MREG: variants seen among roughly 807,000 people sequenced by gnomAD.
MREG encodes melanoregulin, also known as dilute suppressor protein homolog.
In MREG, 31 loss-of-function variants were observed where a neutral mutation model predicts 28.5. That is an observed-to-expected ratio of 1.09 (90% CI 0.82 to 1.47). The LOEUF (loss-of-function observed/expected upper bound fraction) is 1.47. Ranked by LOEUF, MREG falls within the 40% of genes most tolerant of loss-of-function variation. The probability of loss-of-function intolerance (pLI) is 0.00; values close to 1 mark genes in which losing one functional copy is unlikely to be tolerated. For missense variants in MREG, 256 were observed against 257.4 expected, an observed-to-expected ratio of 0.99 and a Z score of 0.04; for synonymous variants, 106 against 95.2, an observed-to-expected ratio of 1.11 and a Z score of -0.66.
In MREG at chr2:215,955,940, C is replaced by T. The variant is rs185624004; in HGVS notation, c.256-8827G>A. On this transcript the variant is annotated intron_variant, in intron 2 of 4. Transcript: ENST00000263268. ...TTGATGTCAGTCTGGAGAAAGGTCT[C>T]CAGTAATGCACCGTGGGGCTCAATT... Among the ~76,000 whole-genome samples, 84 of 152,272 alleles carry T rather than the reference C, an allele frequency of 5.5e-4. No individual in the cohort carries two copies. In the East Asian group the frequency reaches 0.013, roughly 24 times the overall value.
chr2:215,966,603 T>C (rs1171675851), intron 2 of MREG, among the ~76,000 whole-genome samples: 2 of 140,080 alleles, frequency 1.4e-5, no homozygotes, highest in African/African-American at 2.7e-5. Flanking sequence ...CATTTTCCCT[T>C]TTTTTTTTTT....
chr2:216,025,720 G>A (rs191072787), intron 1 of MREG, among the ~76,000 whole-genome samples: 2 of 152,198 alleles, frequency 1.3e-5, no homozygotes, highest in African/African-American at 2.4e-5. Flanking sequence ...TGACAGCTAG[G>A]GCCGTGTCGG....
chr2:215,996,336 G>A lies in MREG; in HGVS notation c.225C>T (p.Val75=). 1 of 1,613,904 alleles carries A rather than the reference G, an allele frequency of 6.2e-7. No homozygotes were observed. Among genetic ancestry groups the A allele is most frequent in the Non-Finnish European group, 8.5e-7 (1 of 1,179,856 alleles). ...DDDRTLYNLI[V]IRNQQAKDSE... ...AGTCTTTGGCCTGCTGATTACGAATGACTATCAAATTGTACAGGGTTCTGT... is the reference window on the plus strand; with the variant it reads ...AGTCTTTGGCCTGCTGATTACGAATAACTATCAAATTGTACAGGGTTCTGT... The change falls in exon 2 of 5, where the codon GTC becomes GTT. Residue 75 remains valine (V), a synonymous_variant. Transcript: ENST00000263268.
intron 1 of MREG, among the ~76,000 whole-genome samples, chr2:216,009,590 C>T (rs1051564834): frequency 6.6e-6 from 1 of 152,194 alleles, no homozygotes; most frequent in Admixed American, 6.5e-5. Context: ...GTGACTGCAG[C>T]TGTGCCTCCA....
chr2:216,006,055 A>T (rs1197112949), intron 1 of MREG, among the ~76,000 whole-genome samples: 1 of 152,216 alleles, frequency 6.6e-6, no homozygotes, highest in Non-Finnish European at 1.5e-5. Context: ...TTTACCCAGC[A>T]TTTAAGCAGA....
intron 2 of MREG, among the ~76,000 whole-genome samples, chr2:215,985,916 C>CT (rs980736641): frequency 9.2e-5 from 14 of 151,356 alleles, no homozygotes; most frequent in African/African-American, 1.5e-4. Context: ...AACCAGAATA[C>CT]TTTTTTTTTA....
intron 2 of MREG, among the ~76,000 whole-genome samples, chr2:215,981,377 C>T (rs182281957): frequency 6.6e-6 from 1 of 152,218 alleles, no homozygotes; most frequent in East Asian, 1.9e-4. Context: ...ACTTTGGAAA[C>T]ATTACGCTAA....
chr2:216,003,620 C>T (rs1694076776), intron 1 of MREG, among the ~76,000 whole-genome samples: 4 of 152,196 alleles, frequency 2.6e-5, no homozygotes, highest in Admixed American at 2.6e-4. Flanking sequence ...GCTGGGATGT[C>T]TCACAGACAA....
At chr2:216,009,791 C>T (rs1214864323) in intron 1 of MREG, among the ~76,000 whole-genome samples, 1 of 152,124 alleles carries the variant, frequency 6.6e-6, no homozygotes, top group Admixed American at 6.5e-5. Context: ...CTGCCTCGGC[C>T]TCCCAAAGTG....
At position 215,980,932 on chromosome 2, in the gene MREG, G is replaced by C. The variant is rs113690111; in HGVS notation, c.255+15374C>G. ...GGGCAGGGAAGGGAAGGGAAGGGAAGGGAACGGAAGAGAAGGGAAATATTA... is the reference window on the plus strand; with the variant it reads ...GGGCAGGGAAGGGAAGGGAAGGGAACGGAACGGAAGAGAAGGGAAATATTA... On this transcript the variant is annotated intron_variant, in intron 2 of 4. Coordinates refer to ENST00000263268, the MANE Select transcript of MREG (RefSeq NM_018000.3). Among the ~76,000 whole-genome samples, 241 of 149,124 alleles carry C rather than the reference G, an allele frequency of 1.6e-3. 2 individuals carry two copies. The highest frequency in any genetic ancestry group is 5.7e-3 in the African/African-American group (231 of 40,476).
chr2:216,010,665 T>C (rs1694278013), intron 1 of MREG, among the ~76,000 whole-genome samples: 1 of 151,824 alleles, frequency 6.6e-6, no homozygotes, highest in East Asian at 1.9e-4. Context: ...CAGATTTCTC[T>C]TGTTTTAAAA....
At chr2:216,023,769 G>A (rs1213006192) in intron 1 of MREG, among the ~76,000 whole-genome samples, 1 of 152,156 alleles carries the variant, frequency 6.6e-6, no homozygotes, top group Non-Finnish European at 1.5e-5. Context: ...CAGGGTTGAA[G>A]CGATTCTCCT....
At chr2:215,978,239 A>G (rs1365474860) in intron 2 of MREG, among the ~76,000 whole-genome samples, 1 of 152,238 alleles carries the variant, frequency 6.6e-6, no homozygotes, top group Non-Finnish European at 1.5e-5. Context: ...CTACCATCAG[A>G]GAATACTATA....
intron 1 of MREG, among the ~76,000 whole-genome samples, chr2:216,010,284 A>T (rs895456829): frequency 7.2e-5 from 11 of 151,992 alleles, no homozygotes; most frequent in African/African-American, 2.2e-4. Flanking sequence ...ACCCTTTGGA[A>T]GGACTGTGGC....
At chr2:216,030,942 TCTCTCTCTCTCTCTCACA>T (rs1445255729) in intron 1 of MREG, among the ~76,000 whole-genome samples, 106 of 61,300 alleles carry the variant, frequency 1.7e-3, no homozygotes, top group African/African-American at 4.4e-3. Flanking sequence ...TCTCTCTCTC[TCTCTCTCTCTCTCTCACA>T]CACACACACA....
At chr2:215,974,092 G>C (rs1299023558) in intron 2 of MREG, among the ~76,000 whole-genome samples, 1 of 152,074 alleles carries the variant, frequency 6.6e-6, no homozygotes, top group African/African-American at 2.4e-5. Flanking sequence ...ATTGTAATTC[G>C]ACATAGCAAT....
chr2:215,943,606 CTGGGG>C lies in MREG; in HGVS notation c.*1252_*1256del. On this transcript the variant is annotated 3_prime_UTR_variant, in exon 5 of 5. Transcript: ENST00000263268. ...CCTGTAATCCCAGCACTTTGGGAGG[CTGGGG>C]CAGGCGGATGACGAGGTCAGGAGAT... The C allele has an allele frequency of 4.8e-5, 20 of 412,752 alleles. No homozygotes were observed. The highest frequency in any genetic ancestry group is 7.3e-5 in the Non-Finnish European group (15 of 205,536). 25.6% of individuals were successfully genotyped at this position (412,752 alleles called of 1,614,324 possible). A position where few individuals can be genotyped will look rare whatever the true frequency, so the allele number is the denominator to read the frequency against.
chr2:215,985,140 G>T (rs1693533347), intron 2 of MREG, among the ~76,000 whole-genome samples: 1 of 152,102 alleles, frequency 6.6e-6, no homozygotes, highest in South Asian at 2.1e-4. Flanking sequence ...TATGCAAAGT[G>T]GTTAGAACAG....
chr2:215,973,528 T>C (rs1379903903), intron 2 of MREG, among the ~76,000 whole-genome samples: 2 of 152,124 alleles, frequency 1.3e-5, no homozygotes, highest in East Asian at 3.9e-4. Flanking sequence ...CTCCCCCAAA[T>C]GTTAAGTGAT....
Sources: gnomAD v4.1 joint callset for allele counts (sites outside exome capture counted in the v4.1 genomes callset) on GRCh38, gnomAD v4.1.1 for gene constraint, MANE v1.5 for transcripts, NCBI Gene and HGNC (gene_info 2026-07-23, HGNC 2026-07-21) for gene names.